TRPS1: variants seen among roughly 807,000 people sequenced by gnomAD.
TRPS1 encodes the protein transcriptional repressor GATA binding 1.
A neutral mutation model predicts 101.2 loss-of-function variants in TRPS1; 6 were observed. That is an observed-to-expected ratio of 0.06 (90% CI 0.03 to 0.12). TRPS1 has a LOEUF of 0.12. Among genes scored for constraint, TRPS1 ranks in the 10% least tolerant of loss-of-function variants. The pLI is 1.00. For missense variants in TRPS1, 1,363 were observed against 1,567.0 expected (o/e 0.87, Z 2.20); for synonymous variants, 578 against 589.8 (o/e 0.98, Z 0.29).
chr8:115,561,508 G>C (rs6469599), intron 5 of TRPS1, among the ~76,000 whole-genome samples: 1 of 151,266 alleles, frequency 6.6e-6, no homozygotes, highest in Admixed American at 6.6e-5. Context: ...AACTCCAGTA[G>C]CAACAAGGGG....
chr8:115,591,730 G>A (rs1817683454), intron 4 of TRPS1, among the ~76,000 whole-genome samples: 2 of 152,152 alleles, frequency 1.3e-5, no homozygotes, highest in Non-Finnish European at 2.9e-5. Context: ...AGAAAGTGCA[G>A]GGGTAAGTTT....
intron 5 of TRPS1, among the ~76,000 whole-genome samples, chr8:115,447,962 T>G (rs1171611982): frequency 1.3e-5 from 2 of 152,234 alleles, no homozygotes; most frequent in Non-Finnish European, 2.9e-5. Context: ...GCTTGCTTAG[T>G]AAGCCTCTGA....
intron 5 of TRPS1, among the ~76,000 whole-genome samples, chr8:115,504,716 T>C (rs1413970783): frequency 6.6e-6 from 1 of 152,188 alleles, no homozygotes; most frequent in Non-Finnish European, 1.5e-5. Context: ...TTCCATGAAA[T>C]TATAATGTTA....
chr8:115,416,538 T>C (rs1812924000), intron 6 of TRPS1, among the ~76,000 whole-genome samples: 1 of 148,426 alleles, frequency 6.7e-6, no homozygotes, highest in Non-Finnish European at 1.5e-5. Context: ...AAATTTTAAA[T>C]ATAAACATAA....
At chr8:115,627,866 C>A (rs1818545314) in intron 1 of TRPS1, among the ~76,000 whole-genome samples, 1 of 151,674 alleles carries the variant, frequency 6.6e-6, no homozygotes, top group Admixed American at 6.6e-5. Context: ...CACACATATA[C>A]AGTATAGTGA....
chr8:115,614,189 G>GA (rs1818230394), intron 3 of TRPS1, among the ~76,000 whole-genome samples: 1 of 152,182 alleles, frequency 6.6e-6, no homozygotes, highest in Admixed American at 6.5e-5. Flanking sequence ...CTCCTGACTT[G>GA]AGATGGTTAG....
chr8:115,456,402 C>T lies in TRPS1; in HGVS notation c.2701-37950G>A, dbSNP rs117821638. Among the ~76,000 whole-genome samples the T allele has an allele frequency of 7.0e-3, 1,057 of 152,076 alleles. 7 individuals are homozygous for T. The highest frequency in any genetic ancestry group is 8.3e-3 in the Non-Finnish European group (567 of 67,970). ...TTGACATTGCTTTTTTTCCTCAATT[C>T]TTACTCTGACCTGCAACCTGAATTG... is the stretch of plus-strand genomic sequence containing the variant. On this transcript the variant is annotated intron_variant, in intron 5 of 6. Transcript: ENST00000395715.
At chr8:115,648,316 C>G (rs1811469623) in intron 1 of TRPS1, among the ~76,000 whole-genome samples, 1 of 152,112 alleles carries the variant, frequency 6.6e-6, no homozygotes, top group Non-Finnish European at 1.5e-5. Flanking sequence ...CTGCAGGCAC[C>G]GCGCAGCAGC....
chr8:115,617,852 A>T (rs2737216), intron 3 of TRPS1, among the ~76,000 whole-genome samples: 95,122 of 151,988 alleles, frequency 0.63, 30,088 homozygotes, highest in East Asian at 0.84. Flanking sequence ...TCTGTGGAAA[A>T]TCACAAACTA....
intron 5 of TRPS1, among the ~76,000 whole-genome samples, chr8:115,435,942 C>T (rs939951654): frequency 5.3e-5 from 8 of 149,814 alleles, no homozygotes; most frequent in Non-Finnish European, 7.4e-5. Context: ...AGACATGTCT[C>T]GATACTAGGA....
chr8:115,472,483 G>A (rs1285903102), intron 5 of TRPS1, among the ~76,000 whole-genome samples: 3 of 152,202 alleles, frequency 2.0e-5, no homozygotes, highest in Middle Eastern at 3.2e-3. Flanking sequence ...GGGCTGCTGT[G>A]AAGGCCTCTG....
intron 5 of TRPS1, among the ~76,000 whole-genome samples, chr8:115,482,121 C>G (rs1407307954): frequency 6.6e-6 from 1 of 152,142 alleles, no homozygotes; most frequent in Non-Finnish European, 1.5e-5. Flanking sequence ...GCAAGTTGAT[C>G]TATTTTGGTG....
intron 6 of TRPS1, among the ~76,000 whole-genome samples, chr8:115,416,971 A>G (rs800905): frequency 0.6 from 90,853 of 152,050 alleles, 28,604 homozygotes; most frequent in East Asian, 0.81. Flanking sequence ...TTTTTGACAC[A>G]AAATGTGAAC....
intron 4 of TRPS1, among the ~76,000 whole-genome samples, chr8:115,603,298 G>A (rs1817951276): frequency 6.6e-6 from 1 of 152,092 alleles, no homozygotes; most frequent in Non-Finnish European, 1.5e-5. Flanking sequence ...CTGCTTGGAG[G>A]AGCAAGTCTA....
At chr8:115,518,112 A>AT (rs1815766327) in intron 5 of TRPS1, among the ~76,000 whole-genome samples, 1 of 46,450 alleles carries the variant, frequency 2.2e-5, no homozygotes, top group African/African-American at 8.4e-5. Flanking sequence ...GTAAAGAGCA[A>AT]CAGGCTCAAT....
intron 4 of TRPS1, among the ~76,000 whole-genome samples, chr8:115,588,558 G>A (rs7012216): frequency 0.7 from 106,353 of 152,138 alleles, 38,614 homozygotes; most frequent in African/African-American, 0.9. Context: ...CTACATTAGG[G>A]CAAATATTTG....
intron 5 of TRPS1, among the ~76,000 whole-genome samples, chr8:115,458,689 C>A (rs1308151240): frequency 6.6e-6 from 1 of 152,160 alleles, no homozygotes; most frequent in Non-Finnish European, 1.5e-5. Context: ...TGGCGTCCAG[C>A]ACCAGGGAAA....
intron 5 of TRPS1, among the ~76,000 whole-genome samples, chr8:115,580,175 G>A (rs1457560060): frequency 6.7e-6 from 1 of 148,678 alleles, no homozygotes; most frequent in Non-Finnish European, 1.5e-5. Flanking sequence ...ACTAATCAAT[G>A]CCTTTGCTTA....
intron 5 of TRPS1, among the ~76,000 whole-genome samples, chr8:115,477,632 A>G (rs1313859114): frequency 1.3e-5 from 2 of 152,346 alleles, no homozygotes; most frequent in Non-Finnish European, 2.9e-5. Flanking sequence ...TGTTAGAACC[A>G]GGTCATGTCT....
Sources: allele counts gnomAD v4.1 joint callset (sites outside exome capture counted in the v4.1 genomes callset), GRCh38; gene constraint gnomAD v4.1.1; transcripts MANE v1.5; gene names NCBI Gene and HGNC (gene_info 2026-07-23, HGNC 2026-07-21).